IARS2: variants seen among roughly 807,000 people sequenced by gnomAD.
IARS2 encodes isoleucyl-tRNA synthetase 2, mitochondrial, also known as isoleucine--tRNA ligase, mitochondrial.
In IARS2, 56 loss-of-function variants were observed where a neutral mutation model predicts 126.3. That is an observed-to-expected ratio of 0.44 (90% CI 0.36 to 0.55). The LOEUF is 0.55. IARS2 is among the 20% of genes least tolerant of loss of function. The probability of loss-of-function intolerance (pLI) is 0.00; values close to 1 mark genes in which losing one functional copy is unlikely to be tolerated. For missense variants in IARS2, 1,127 were observed against 1,245.9 expected (o/e 0.90, Z 1.44); for synonymous variants, 407 against 441.1 (o/e 0.92, Z 0.97).
intron 11 of IARS2, among the ~76,000 whole-genome samples, chr1:220,111,714 C>T (rs1372917006): frequency 1.3e-5 from 2 of 151,654 alleles, no homozygotes; most frequent in South Asian, 2.1e-4. Flanking sequence ...TTTTGCTTTA[C>T]AGTTTGAAAG....
At chr1:220,106,187 G>A (rs1394103446) in intron 9 of IARS2, 127 bp downstream of exon 9, 3 of 707,588 alleles carry the variant, frequency 4.2e-6, no homozygotes, top group Non-Finnish European at 6.6e-6. Context: ...GCTCAGGTTT[G>A]TGTAGTACTC....
chr1:220,147,817 A>G lies in IARS2; in HGVS notation c.*182A>G. On this transcript the variant is annotated 3_prime_UTR_variant, in exon 23 of 23. Transcript: ENST00000366922. The stretch of plus-strand genomic sequence containing the variant: ...ATTTCCTGTAACTATAGAAAGAATT[A>G]TGTATATATACATGCAGAAATATAT... The G allele has an allele frequency of 3.3e-6, 2 of 603,882 alleles. No homozygotes were observed. Among genetic ancestry groups the G allele is most frequent in the Non-Finnish European group, 5.8e-6 (2 of 345,148 alleles). 37.4% of individuals were successfully genotyped at this position (603,882 alleles called of 1,614,324 possible).
In IARS2 at chr1:220,142,981, T is replaced by C; in HGVS notation, c.2598T>C (p.Thr866=). 6.2e-7 allele frequency: 1 copy of C among 1,614,072 alleles called. No homozygotes were observed. The highest frequency in any genetic ancestry group is 1.1e-5 in the South Asian group (1 of 91,066). ...TTTTCCGTACTGGGTGGATTAGTAC[T>C]AGTTCTATCTGGAAAAAGCCCGGGT... ...KSVFRTGWIS[T]SSIWKKPGLE... is the part of the protein sequence containing the mutation. The change falls in exon 21 of 23, where the codon ACT becomes ACC. Residue 866 remains threonine, a synonymous_variant. Coordinates refer to ENST00000366922, the MANE Select transcript of IARS2 (RefSeq NM_018060.4).
intron 14 of IARS2, among the ~76,000 whole-genome samples, chr1:220,132,787 G>A (rs1305958567): frequency 3.3e-5 from 5 of 152,082 alleles, no homozygotes; most frequent in African/African-American, 7.2e-5. Flanking sequence ...GCCTCCCAAA[G>A]TTCTGGGATT....
intron 21 of IARS2, chr1:220,144,471 A>G (rs751272015): frequency 2.7e-5 from 13 of 487,652 alleles, no homozygotes; most frequent in Non-Finnish European, 4.7e-5. Context: ...TAATGATGTA[A>G]TTAGCAAGAT....
chr1:220,130,943 C>CT (rs891164826), intron 14 of IARS2, among the ~76,000 whole-genome samples: 1 of 152,118 alleles, frequency 6.6e-6, no homozygotes, highest in African/African-American at 2.4e-5. Flanking sequence ...TCCCATTGGT[C>CT]TAAGTGTCTG....
intron 16 of IARS2, among the ~76,000 whole-genome samples, chr1:220,137,374 C>T (rs748286172): frequency 6.6e-6 from 1 of 152,214 alleles, no homozygotes; most frequent in Non-Finnish European, 1.5e-5. Flanking sequence ...GAAAATTATA[C>T]ACTTTAAAGC....
At chr1:220,108,477 C>T (rs1414538906) in intron 10 of IARS2, among the ~76,000 whole-genome samples, 2 of 151,968 alleles carry the variant, frequency 1.3e-5, no homozygotes, top group African/African-American at 2.4e-5. Flanking sequence ...AGCTCTGCCT[C>T]CTGGGTTCAT....
intron 12 of IARS2, among the ~76,000 whole-genome samples, chr1:220,119,355 C>G (rs1245139165): frequency 6.6e-6 from 1 of 152,036 alleles, no homozygotes; most frequent in South Asian, 2.1e-4. Flanking sequence ...AGATTACATA[C>G]TGGTAAGTGG....
At chr1:220,141,099 T>A (rs1460962336) in intron 19 of IARS2, among the ~76,000 whole-genome samples, 1 of 152,064 alleles carries the variant, frequency 6.6e-6, no homozygotes, top group Non-Finnish European at 1.5e-5. Context: ...TGTTTCTTCA[T>A]CTGTAAAATG....
intron 12 of IARS2, among the ~76,000 whole-genome samples, chr1:220,119,573 CAG>C (rs745476235): frequency 2.0e-4 from 31 of 151,924 alleles, no homozygotes; most frequent in African/African-American, 6.5e-4. Flanking sequence ...TTTTAGGAAA[CAG>C]AAAATTATTT....
intron 20 of IARS2, among the ~76,000 whole-genome samples, chr1:220,142,350 T>C (rs1003875354): frequency 3.3e-5 from 5 of 152,070 alleles, no homozygotes; most frequent in African/African-American, 1.2e-4. Flanking sequence ...AATATAAAAA[T>C]TAGTGGGGCA....
At chr1:220,130,132 A>G (rs767826393) in intron 14 of IARS2, among the ~76,000 whole-genome samples, 17 of 152,160 alleles carry the variant, frequency 1.1e-4, no homozygotes, top group Non-Finnish European at 2.2e-4. Flanking sequence ...ATTTTTTCAT[A>G]TACCTGTTGT....
intron 11 of IARS2, among the ~76,000 whole-genome samples, chr1:220,113,626 G>GATAT (rs200804964): frequency 6.8e-6 from 1 of 148,076 alleles, no homozygotes; most frequent in East Asian, 2.0e-4. Context: ...TTTGTCGATA[G>GATAT]ATATATATAT....
At chr1:220,141,357 A>G (rs1227035934) in intron 19 of IARS2, among the ~76,000 whole-genome samples, 1 of 152,190 alleles carries the variant, frequency 6.6e-6, no homozygotes, top group African/African-American at 2.4e-5. Flanking sequence ...CTGTTGCTCC[A>G]GTGTGCAGGT....
intron 2 of IARS2, among the ~76,000 whole-genome samples, chr1:220,097,531 T>G (rs1656471920): frequency 6.6e-6 from 1 of 151,570 alleles, no homozygotes; most frequent in South Asian, 2.1e-4. Flanking sequence ...GCCCGGCTAA[T>G]TTTTTGTATT....
At chr1:220,130,187 G>A (rs1038160080) in intron 14 of IARS2, among the ~76,000 whole-genome samples, 2 of 152,050 alleles carry the variant, frequency 1.3e-5, no homozygotes, top group African/African-American at 4.8e-5. Flanking sequence ...CAGACCCTTT[G>A]CCCACTTTGT....
Position 220,126,860 on chromosome 1 carries a change from G to C in IARS2, c.1837+17G>C, listed in dbSNP as rs762061585. On this transcript the variant is annotated intron_variant, in intron 14 of 22. Coordinates refer to ENST00000366922, the MANE Select transcript of IARS2 (RefSeq NM_018060.4). Reference sequence around the variant, plus strand: ...TTCTTCCAGGTAATTCTTAAAAATAGATATATGCCGATCAAGAAGTTTTGA... The same window carrying C: ...TTCTTCCAGGTAATTCTTAAAAATACATATATGCCGATCAAGAAGTTTTGA... 2.6e-6 allele frequency: 4 copies of C among 1,533,612 alleles called. No homozygotes were observed. In the Admixed American group the frequency reaches 7.5e-5, roughly 29 times the overall value.
chr1:220,139,246 A>G (rs553516184), intron 18 of IARS2, 107 bp downstream of exon 18: 15 of 749,718 alleles, frequency 2.0e-5, no homozygotes, highest in East Asian at 2.9e-5. Flanking sequence ...AATAGTAACT[A>G]TAGCACTCTT....
Sources: allele counts gnomAD v4.1 joint callset (sites outside exome capture counted in the v4.1 genomes callset), GRCh38; gene constraint gnomAD v4.1.1; transcripts MANE v1.5; gene names NCBI Gene and HGNC (gene_info 2026-07-23, HGNC 2026-07-21).